Variants in ZNF496 observed in about 807,000 individuals in gnomAD.
The protein encoded by ZNF496 is zinc finger protein 496.
A neutral mutation model predicts 58.9 loss-of-function variants in ZNF496; 11 were observed. The observed-to-expected ratio is 0.19, with a 90% CI of 0.12 to 0.31. The LOEUF is 0.31. Ranked by LOEUF, ZNF496 falls within the 10% of genes least tolerant of loss-of-function variation. The probability of loss-of-function intolerance (pLI) is 1.00; values close to 1 mark genes in which losing one functional copy is unlikely to be tolerated. For synonymous variants in ZNF496, 338 were observed against 318.2 expected (o/e 1.06, Z -0.66); for missense variants, 660 against 783.0 (o/e 0.84, Z 1.88).
At chr1:247,320,351 C>T (rs1490365630) in intron 6 of ZNF496, among the ~76,000 whole-genome samples, 1 of 152,184 alleles carries the variant, frequency 6.6e-6, no homozygotes, top group Non-Finnish European at 1.5e-5. Flanking sequence ...CATAGAATTA[C>T]GCTGAATGAA....
chr1:247,321,180 GA>G (rs1405653010), intron 6 of ZNF496, among the ~76,000 whole-genome samples: 9 of 150,288 alleles, frequency 6.0e-5, no homozygotes, highest in Admixed American at 1.3e-4. Context: ...CATCTCGGGG[GA>G]AAAAAAAACA....
At chr1:247,316,132 A>AGG (rs1553270754) in intron 6 of ZNF496, among the ~76,000 whole-genome samples, 2 of 86,810 alleles carry the variant, frequency 2.3e-5, no homozygotes, top group Admixed American at 1.4e-4. Flanking sequence ...TTCCTGGGAG[A>AGG]GGGGTGTGTG....
In ZNF496 at chr1:247,308,109, G is replaced by A; in HGVS notation, c.1006+366C>T. 3 of 783,060 alleles carry A rather than the reference G, an allele frequency of 3.8e-6. No homozygotes were observed. Among genetic ancestry groups the A allele is most frequent in the Non-Finnish European group, 4.6e-6 (3 of 645,162 alleles). The allele number at this position is 783,060 out of a possible 1,614,324, so 48.5% of individuals were successfully genotyped here. On this transcript the variant is annotated intron_variant, in intron 9 of 9. Coordinates refer to ENST00000682384, the MANE Select transcript of ZNF496 (RefSeq NM_032752.3). The surrounding 1 kb of genome is among the most constrained non-coding windows in gnomAD (Gnocchi z 4.5). ...TTGACACACCCTCCCCGGCCCCTGG[G>A]AAAGGCAAGGAGGGTGAGCCTGGGA...
rs376673074 is a variant in ZNF496, at chr1:247,326,069, T to C, written c.574+2614A>G. On this transcript the variant is annotated intron_variant, in intron 5 of 9. Coordinates refer to ENST00000682384, the MANE Select transcript of ZNF496 (RefSeq NM_032752.3). ...ATATATACACACACACACACATATATACACACACACACACATATATACACA... is the reference window on the plus strand; with the variant it reads ...ATATATACACACACACACACATATACACACACACACACACATATATACACA... Among the ~76,000 whole-genome samples, 88 of 146,616 alleles carry C rather than the reference T, an allele frequency of 6.0e-4. No homozygotes were observed. The South Asian group carries it at 6.0e-3, about 10-fold the overall frequency.
intron 5 of ZNF496, among the ~76,000 whole-genome samples, chr1:247,326,482 T>G (rs1660132173): frequency 6.6e-6 from 1 of 152,162 alleles, no homozygotes; most frequent in African/African-American, 2.4e-5. Flanking sequence ...AAGAAGCAAC[T>G]GCACAGGCTA....
intron 5 of ZNF496, among the ~76,000 whole-genome samples, 185 bp from the exon 6 acceptor site, chr1:247,323,415 A>G (rs1348555727): frequency 6.6e-6 from 1 of 152,160 alleles, no homozygotes; most frequent in Non-Finnish European, 1.5e-5. Flanking sequence ...TTAACTGTAA[A>G]ATGAGGATTA....
intron 6 of ZNF496, chr1:247,322,947 G>T: frequency 1.4e-6 from 1 of 721,184 alleles, no homozygotes; most frequent in Non-Finnish European, 2.2e-6. Flanking sequence ...CCTGATGACA[G>T]TAGACCCAGT....
intron 5 of ZNF496, among the ~76,000 whole-genome samples, chr1:247,324,905 C>T (rs935739642): frequency 6.6e-6 from 1 of 152,196 alleles, no homozygotes; most frequent in Non-Finnish European, 1.5e-5. Context: ...GGGACTCTGC[C>T]ACTCTTCTCT....
intron 6 of ZNF496, among the ~76,000 whole-genome samples, chr1:247,321,267 CA>C (rs893988098): frequency 6.6e-6 from 1 of 151,976 alleles, no homozygotes; most frequent in African/African-American, 2.4e-5. Context: ...AAGCCAGTCA[CA>C]AAAAGGCAAA....
intron 6 of ZNF496, among the ~76,000 whole-genome samples, chr1:247,315,060 CTTT>C (rs67977969): frequency 0.032 from 3,905 of 121,408 alleles, 187 homozygotes; most frequent in African/African-American, 0.11. Flanking sequence ...CTTGACTAGT[CTTT>C]TTTTTTTTTT....
At chr1:247,317,244 C>G (rs1207960976) in intron 6 of ZNF496, among the ~76,000 whole-genome samples, 1 of 152,110 alleles carries the variant, frequency 6.6e-6, no homozygotes, top group Non-Finnish European at 1.5e-5. Context: ...ACTGGTTTTT[C>G]TTTCTACCAC....
intron 2 of ZNF496, among the ~76,000 whole-genome samples, chr1:247,331,205 G>A (rs1328968300): frequency 6.6e-6 from 1 of 152,240 alleles, no homozygotes; most frequent in Non-Finnish European, 1.5e-5. Flanking sequence ...CTGGCGCGTC[G>A]GAGGCTCGGA....
At chr1:247,328,562 C>T (rs1236032617) in intron 5 of ZNF496, 121 bp downstream of exon 5, 4 of 1,077,160 alleles carry the variant, frequency 3.7e-6, no homozygotes, top group Non-Finnish European at 3.8e-6. Context: ...CACAGCACCT[C>T]GGGGACACGA....
intron 9 of ZNF496, chr1:247,307,628 GA>G: frequency 1.0e-6 from 1 of 985,344 alleles, no homozygotes; most frequent in Non-Finnish European, 1.2e-6. Flanking sequence ...TCCCACACTA[GA>G]AAAGCCCCTT....
rs1263274739 is a variant in ZNF496, at chr1:247,329,125, T to C, written c.390+64A>G. On this transcript the variant is annotated intron_variant, in intron 4 of 9. Transcript: ENST00000682384. The surrounding 1 kb of genome is among the most constrained non-coding windows in gnomAD (Gnocchi z 5.5). ...CCTCATTCCCCAGCCAGCACATGCA[T>C]GGCCCAGCCAAAGTGTCTAAGTACC... is the stretch of plus-strand genomic sequence containing the variant. 3.4e-5 allele frequency: 55 copies of C among 1,609,468 alleles called. No homozygotes were observed. The South Asian group carries it at 4.5e-4, about 13-fold the overall frequency.
At chr1:247,317,772 A>G (rs1449514761) in intron 6 of ZNF496, among the ~76,000 whole-genome samples, 1 of 152,186 alleles carries the variant, frequency 6.6e-6, no homozygotes, top group Admixed American at 6.5e-5. Flanking sequence ...CAACCAAACA[A>G]AACCAGCCAC....
At chr1:247,306,878 C>T (rs1266161121) in intron 9 of ZNF496, among the ~76,000 whole-genome samples, 1 of 152,108 alleles carries the variant, frequency 6.6e-6, no homozygotes, top group Non-Finnish European at 1.5e-5. Flanking sequence ...TCTCGGGTGC[C>T]CCAGCTGCAA....
intron 5 of ZNF496, 45 bp downstream of exon 5, chr1:247,328,638 G>C: frequency 6.6e-7 from 1 of 1,505,294 alleles, no homozygotes; most frequent in South Asian, 1.3e-5. Context: ...TATGGGGTGT[G>C]CACTTCCCCA....
At position 247,300,749 on chromosome 1, in the gene ZNF496, G is replaced by A. The variant is rs1659211559; in HGVS notation, c.1534C>T (p.Pro512Ser). ...SEDADKGPKEPLENGKAKLSF... is the reference protein window; with the variant it reads ...SEDADKGPKESLENGKAKLSF... ...AGTTTGGCCTTGCCGTTTTCCAGCG[G>A]CTCTTTGGGACCCTTGTCCGCGTCC... Residue 512 changes from proline (P) to serine (S), a missense_variant, in exon 10 of 10, where the codon CCG becomes TCG. Physicochemically the swap from Pro to Ser is moderately conservative, Grantham distance 74 (BLOSUM62 -1). Coordinates refer to ENST00000682384, the MANE Select transcript of ZNF496 (RefSeq NM_032752.3). This position sits in a 1 kb window ranked among gnomAD's most constrained non-coding sequence, Gnocchi z 5.7. The A allele has an allele frequency of 6.2e-7, 1 of 1,610,892 alleles. No individual in the cohort carries two copies. The highest frequency in any genetic ancestry group is 1.3e-5 in the African/African-American group (1 of 74,896).
Sources: allele counts gnomAD v4.1 joint callset (sites outside exome capture counted in the v4.1 genomes callset), GRCh38; gene constraint gnomAD v4.1.1; non-coding constraint Gnocchi (gnomAD v3.1); transcripts MANE v1.5; gene names NCBI Gene and HGNC (gene_info 2026-07-23, HGNC 2026-07-21).